The following CACTIN variants were observed in gnomAD, a reference collection of about 807,000 sequenced individuals.
The protein encoded by CACTIN is cactin, spliceosome C complex subunit.
A neutral mutation model predicts 84.9 loss-of-function variants in CACTIN; 20 were observed. The ratio of observed to expected loss-of-function variants is 0.24; its 90% CI spans 0.17 to 0.34. The LOEUF (loss-of-function observed/expected upper bound fraction) is 0.34. Among genes scored for constraint, CACTIN ranks in the 10% least tolerant of loss-of-function variants. The pLI is 1.00. For synonymous variants in CACTIN, 549 were observed against 467.9 expected (o/e 1.17, Z -2.24); for missense variants, 897 against 1,117.2 (o/e 0.80, Z 2.81).
intron 6 of CACTIN, chr19:3,614,923 T>A (rs577381000): frequency 1.9e-4 from 74 of 397,012 alleles, no homozygotes; most frequent in Non-Finnish European, 3.1e-4. Context: ...GGAACCCTAG[T>A]TGTGGGCCCG....
chr19:3,625,396 T>C (rs1021054666), intron 1 of CACTIN, among the ~76,000 whole-genome samples: 4 of 152,126 alleles, frequency 2.6e-5, no homozygotes, highest in African/African-American at 9.7e-5. Flanking sequence ...ATAATTCCAA[T>C]ACCAGAAAAT....
Position 3,612,398 on chromosome 19 carries a change from C to A in CACTIN, c.1802G>T (p.Ser601Ile). The A allele has an allele frequency of 3.1e-6, 5 of 1,596,530 alleles. No individual in the cohort carries two copies. Among genetic ancestry groups the A allele is most frequent in the Non-Finnish European group, 4.3e-6 (5 of 1,174,492 alleles). ...CCGCCGGAAGAAGATGTCCTCGGCG[C>A]TCTCGCTGGCGTCTCCTGCGGGCGG... ...QLQVTGDASE[S>I]AEDIFFRRAK... Residue 601 changes from serine to isoleucine, a missense_variant, in exon 10 of 10, where the codon AGC (serine) becomes ATC (isoleucine). Physicochemically the swap from Ser to Ile is moderately radical, Grantham distance 142 (BLOSUM62 -2). This residue lies in a region of CACTIN where 243 missense variants were observed against 239.9 expected (regional missense o/e 1.01). Coordinates refer to ENST00000429344, the MANE Select transcript of CACTIN (RefSeq NM_001080543.2).
At chr19:3,614,121 G>A (rs762417464) in intron 7 of CACTIN, among the ~76,000 whole-genome samples, 64 of 152,278 alleles carry the variant, frequency 4.2e-4, no homozygotes, top group Non-Finnish European at 6.5e-4. Flanking sequence ...GTTAAAGGGC[G>A]GAAGCTCCTG....
rs747773410 is a variant in CACTIN, at chr19:3,620,280, C to G, written c.739-8G>C. ...CAGCCGCAGCTGCTTCACCTGCAGGCACAGGAGGCTGAGGGCAGCGGGGAC... is the reference window on the plus strand; with the variant it reads ...CAGCCGCAGCTGCTTCACCTGCAGGGACAGGAGGCTGAGGGCAGCGGGGAC... On this transcript the variant is annotated splice_region_variant and splice_polypyrimidine_tract_variant and intron_variant, in intron 3 of 9. Coordinates refer to ENST00000429344, the MANE Select transcript of CACTIN (RefSeq NM_001080543.2). 2.5e-5 allele frequency: 39 copies of G among 1,558,382 alleles called. No individual in the cohort carries two copies. In the Middle Eastern group the frequency reaches 5.2e-4, roughly 21 times the overall value.
At chr19:3,623,119 C>CA (rs2033257930) in intron 2 of CACTIN, among the ~76,000 whole-genome samples, 1 of 152,160 alleles carries the variant, frequency 6.6e-6, no homozygotes. Flanking sequence ...CCTGTAGTCC[C>CA]AGCAAGTCAA....
chr19:3,618,177 C>CGG (rs34337349), intron 6 of CACTIN, among the ~76,000 whole-genome samples: 57 of 107,880 alleles, frequency 5.3e-4, no homozygotes, highest in East Asian at 2.6e-3. Flanking sequence ...GCTTTTAGAC[C>CGG]GGGGGGGGGG....
Position 3,611,451 on chromosome 19 carries a change from T to A in CACTIN, c.*472A>T. Reference sequence around the variant, plus strand: ...CTCACGCCCAGTGGGTGCCCCGTGATGTGGCAGGGCTGGCCTTGAGTTTCC... The same window carrying A: ...CTCACGCCCAGTGGGTGCCCCGTGAAGTGGCAGGGCTGGCCTTGAGTTTCC... On this transcript the variant is annotated 3_prime_UTR_variant, in exon 10 of 10. Coordinates refer to ENST00000429344, the MANE Select transcript of CACTIN (RefSeq NM_001080543.2). 1 of 403,550 alleles carries A rather than the reference T, an allele frequency of 2.5e-6. No homozygotes were observed. The highest frequency in any genetic ancestry group is 1.8e-5 in the South Asian group (1 of 56,638). The allele number at this position is 403,550 out of a possible 1,614,324, so 25.0% of individuals were successfully genotyped here. A position where few individuals can be genotyped will look rare whatever the true frequency, so the allele number is the denominator to read the frequency against.
At position 3,612,091 on chromosome 19, in the gene CACTIN, C is replaced by T; in HGVS notation, c.2109G>A (p.Lys703=). 6.2e-7 allele frequency: 1 copy of T among 1,613,868 alleles called. No individual in the cohort carries two copies. Among genetic ancestry groups the T allele is most frequent in the Middle Eastern group, 1.6e-4 (1 of 6,062 alleles). Residue 703 remains lysine (K), a synonymous_variant, in exon 10 of 10, where the codon AAG becomes AAA. Coordinates refer to ENST00000429344, the MANE Select transcript of CACTIN (RefSeq NM_001080543.2). ...CGTGGAAGCGCAGGATGGCGAAATC[C>T]TTGTTGTCGGCGCAGGCCTCCAGGA... ...EYFLEACADN[K]DFAILRFHAG...
At position 3,626,587 on chromosome 19, in the gene CACTIN, C is replaced by T; in HGVS notation, c.167+9G>A. 7.0e-7 allele frequency: 1 copy of T among 1,438,152 alleles called. No homozygotes were observed. Among genetic ancestry groups the T allele is most frequent in the South Asian group, 1.4e-5 (1 of 70,552 alleles). 89.1% of individuals were successfully genotyped at this position (1,438,152 alleles called of 1,614,324 possible). The stretch of plus-strand genomic sequence containing the variant: ...CGGATCCCCAGCGCTGCTCCCGCAG[C>T]GACCCCACCTGCGCTCCCGGCTCCG... On this transcript the variant is annotated intron_variant, in intron 1 of 9. Coordinates refer to ENST00000429344, the MANE Select transcript of CACTIN (RefSeq NM_001080543.2).
intron 6 of CACTIN, 138 bp downstream of exon 6, chr19:3,618,737 C>T (rs886466597): frequency 4.4e-5 from 30 of 684,238 alleles, no homozygotes; most frequent in South Asian, 3.8e-4. Context: ...CCTGGTGGCT[C>T]GGCCCAGAAG....
chr19:3,619,349 C>T, intron 4 of CACTIN, 107 bp from the exon 5 acceptor site: 1 of 1,366,004 alleles, frequency 7.3e-7, no homozygotes. Flanking sequence ...AGGGGCCTGA[C>T]CCGTTGGGGG....
At chr19:3,614,111 G>A (rs984798637) in intron 7 of CACTIN, among the ~76,000 whole-genome samples, 3 of 152,292 alleles carry the variant, frequency 2.0e-5, no homozygotes, top group South Asian at 2.1e-4. Context: ...CCAGGTACTC[G>A]TTAAAGGGCG....
In CACTIN at chr19:3,626,702, T is replaced by A; in HGVS notation, c.61A>T (p.Ser21Cys). Residue 21 changes from serine (S) to cysteine (C), a missense_variant, in exon 1 of 10, where the codon AGT becomes TGT. By Grantham distance (112) the Ser-to-Cys change is moderately radical. Around this residue, in one of 8 missense-constraint regions of CACTIN, gnomAD observed 261 missense variants for 243.8 expected, o/e 1.07. Coordinates refer to ENST00000429344, the MANE Select transcript of CACTIN (RefSeq NM_001080543.2). Reference protein sequence around the residue: ...SAGRRGRRRQSQSGSRSRSRS... With the variant: ...SAGRRGRRRQCQSGSRSRSRS... Reference sequence around the variant, plus strand: ...CTCCGACTTCGGCTCCCGCTCTGACTCTGCCGCCTTCGGCCCCGGCGACCC... The same window carrying A: ...CTCCGACTTCGGCTCCCGCTCTGACACTGCCGCCTTCGGCCCCGGCGACCC... The A allele has an allele frequency of 6.6e-7, 1 of 1,507,544 alleles. No individual in the cohort carries two copies. Among genetic ancestry groups the A allele is most frequent in the Non-Finnish European group, 8.8e-7 (1 of 1,135,244 alleles). 93.4% of individuals were successfully genotyped at this position (1,507,544 alleles called of 1,614,324 possible).
chr19:3,613,729 G>A (rs2033036211), intron 7 of CACTIN, 143 bp from the exon 8 acceptor site: 1 of 1,248,652 alleles, frequency 8.0e-7, no homozygotes, highest in African/African-American at 1.5e-5. Context: ...CCTTTGCCCA[G>A]GCTTGGTCAG....
intron 2 of CACTIN, among the ~76,000 whole-genome samples, chr19:3,621,906 G>A (rs1340237205): frequency 6.6e-6 from 1 of 152,180 alleles, no homozygotes; most frequent in Non-Finnish European, 1.5e-5. Flanking sequence ...GCCACCTGGA[G>A]ACCCCACAGC....
Position 3,618,932 on chromosome 19 carries a change from T to C in CACTIN, c.1105A>G (p.Ile369Val). Residue 369 changes from isoleucine (I) to valine (V), a missense_variant, in exon 6 of 10, where the codon ATC becomes GTC. Ile to Val is a conservative substitution (Grantham distance 29). Coordinates refer to ENST00000429344, the MANE Select transcript of CACTIN (RefSeq NM_001080543.2). ...AGCTTGGAGATCTCGTCCTCGGTGA[T>C]GGTGGTCATGTCCCGCCAGAAGTCG... is the stretch of plus-strand genomic sequence containing the variant. ...NADFWRDMTT[I>V]TEDEISKLRK... 1.3e-6 allele frequency: 2 copies of C among 1,560,546 alleles called. No individual in the cohort carries two copies. Among genetic ancestry groups the C allele is most frequent in the South Asian group, 1.2e-5 (1 of 84,544 alleles).
chr19:3,623,952 G>A lies in CACTIN; in HGVS notation c.378C>T (p.Ser126=). The part of the protein sequence containing the change: ...SSSASPGRSQ[S]PRAAAAALSQ... ...TCAGGGCAGCCGCGGCCGCCCGGGGGCTCTGGGATCGCCCTGGAGACGCGG... is the reference window on the plus strand; with the variant it reads ...TCAGGGCAGCCGCGGCCGCCCGGGGACTCTGGGATCGCCCTGGAGACGCGG... Residue 126 remains serine, a synonymous_variant, in exon 2 of 10, where the codon AGC becomes AGT. Transcript: ENST00000429344. The A allele has an allele frequency of 3.7e-6, 6 of 1,603,200 alleles. No homozygotes were observed. The highest frequency in any genetic ancestry group is 4.2e-6 in the Non-Finnish European group (5 of 1,178,448).
At position 3,612,066 on chromosome 19, in the gene CACTIN, C is replaced by T; in HGVS notation, c.2134G>A (p.Ala712Thr). 2 of 1,613,900 alleles carry T rather than the reference C, an allele frequency of 1.2e-6. No homozygotes were observed. Among genetic ancestry groups the T allele is most frequent in the East Asian group, 4.5e-5 (2 of 44,890 alleles). Residue 712 changes from alanine to threonine, a missense_variant, in exon 10 of 10, where the codon GCG becomes ACG. This residue lies in a region of CACTIN where 50 missense variants were observed against 51.6 expected (regional missense o/e 0.97). Coordinates refer to ENST00000429344, the MANE Select transcript of CACTIN (RefSeq NM_001080543.2). ...GCGATGTCCTCGTAGGGCGGCCCCG[C>T]GTGGAAGCGCAGGATGGCGAAATCC... The part of the protein sequence containing the change: ...NKDFAILRFH[A>T]GPPYEDIAFK...
Position 3,623,904 on chromosome 19 carries a change from C to T in CACTIN, c.426G>A (p.Glu142=), listed in dbSNP as rs1343292157. 35 of 1,606,670 alleles carry T rather than the reference C, an allele frequency of 2.2e-5. No homozygotes were observed. Among genetic ancestry groups the T allele is most frequent in the Non-Finnish European group, 3.0e-5 (35 of 1,179,676 alleles). ...TCCGCTCCTCCCGCAGCCGCAGCCG[C>T]TCCTGCAGGCTCTGCTGCTGGCTCA... ...AALSQQQSLQ[E]RLRLREERKQ... is the part of the protein sequence containing the mutation. The change falls in exon 2 of 10, where the codon GAG becomes GAA. Residue 142 remains glutamate (E), a synonymous_variant. Coordinates refer to ENST00000429344, the MANE Select transcript of CACTIN (RefSeq NM_001080543.2).
Sources: allele counts gnomAD v4.1 joint callset (sites outside exome capture counted in the v4.1 genomes callset), GRCh38; gene constraint gnomAD v4.1.1; regional missense constraint gnomAD v4.1.1; transcripts MANE v1.5; gene names NCBI Gene and HGNC (gene_info 2026-07-23, HGNC 2026-07-21).